RSRC2: variants seen among roughly 807,000 people sequenced by gnomAD.
The protein encoded by RSRC2 is arginine and serine rich coiled-coil 2.
In RSRC2, 5 loss-of-function variants were observed where a neutral mutation model predicts 61.3. The ratio of observed to expected loss-of-function variants is 0.08; its 90% CI spans 0.04 to 0.17. The LOEUF is 0.17. Among genes scored for constraint, RSRC2 ranks in the 10% least tolerant of loss-of-function variants. The pLI, the probability that RSRC2 is intolerant of heterozygous loss-of-function variation, is 1.00. For synonymous variants in RSRC2, 202 were observed against 166.5 expected (o/e 1.21, Z -1.64); for missense variants, 381 against 518.8 (o/e 0.73, Z 2.58).
chr12:122,507,550 G>GT (rs1958192964), intron 8 of RSRC2, among the ~76,000 whole-genome samples: 1 of 149,970 alleles, frequency 6.7e-6, no homozygotes, highest in Admixed American at 6.6e-5. Context: ...TCTAAACCAA[G>GT]TAGCCTCTTT....
At chr12:122,520,568 C>T (rs1254937455) in intron 3 of RSRC2, 4 of 1,367,044 alleles carry the variant, frequency 2.9e-6, no homozygotes, top group South Asian at 1.1e-5. Flanking sequence ...TCAGTCTCTT[C>T]GCGCATAAGC....
At chr12:122,525,809 T>TAAC (rs1960167909) in intron 1 of RSRC2, among the ~76,000 whole-genome samples, 1 of 16,182 alleles carries the variant, frequency 6.2e-5, no homozygotes, top group East Asian at 3.5e-3. Context: ...GAGTTTTTTT[T>TAAC]TTTTTTTTTT....
chr12:122,513,507 G>A (rs1416800912), intron 6 of RSRC2, among the ~76,000 whole-genome samples: 3 of 151,768 alleles, frequency 2.0e-5, no homozygotes, highest in Admixed American at 6.6e-5. Context: ...TGCTATTAAC[G>A]GCTTCACTTT....
intron 7 of RSRC2, among the ~76,000 whole-genome samples, chr12:122,508,830 C>A (rs1025435264): frequency 6.6e-6 from 1 of 151,938 alleles, no homozygotes; most frequent in Non-Finnish European, 1.5e-5. Context: ...GTGGTACATG[C>A]CCGTAATCTC....
chr12:122,505,812 T>C, intron 9 of RSRC2, 106 bp from the exon 10 acceptor site: 2 of 962,022 alleles, frequency 2.1e-6, no homozygotes, highest in Non-Finnish European at 3.0e-6. Context: ...GGAGTCTTGC[T>C]CTGTTGTCCC....
In RSRC2 at chr12:122,506,781, T is replaced by C. The variant is rs551897522; in HGVS notation, c.1125+53A>G. The C allele has an allele frequency of 1.0e-4, 108 of 1,070,798 alleles. No homozygotes were observed. The East Asian group carries it at 2.2e-3, about 22-fold the overall frequency. 66.3% of individuals were successfully genotyped at this position (1,070,798 alleles called of 1,614,324 possible). A position where few individuals can be genotyped will look rare whatever the true frequency, so the allele number is the denominator to read the frequency against. ...AACTAAGAAAATGAGGGAAGAACAG[T>C]GCAGGAGGGCTAATAGCTAATACAA... On this transcript the variant is annotated intron_variant, in intron 9 of 9. Coordinates refer to ENST00000331738, the MANE Select transcript of RSRC2 (RefSeq NM_023012.6).
intron 8 of RSRC2, 161 bp from the exon 9 acceptor site, chr12:122,507,084 A>C (rs1958159166): frequency 3.0e-6 from 2 of 657,560 alleles, no homozygotes; most frequent in Non-Finnish European, 5.4e-6. Context: ...AAAGCAAAGA[A>C]ATACAAGCAA....
intron 6 of RSRC2, chr12:122,514,727 G>T: frequency 8.6e-7 from 1 of 1,158,444 alleles, no homozygotes. Context: ...CAGGTATTTT[G>T]TCTATTTGAG....
rs902174654 is a variant in RSRC2, at chr12:122,505,417, A to G, written c.*110T>C. On this transcript the variant is annotated 3_prime_UTR_variant, in exon 10 of 10. Coordinates refer to ENST00000331738, the MANE Select transcript of RSRC2 (RefSeq NM_023012.6). Reference sequence around the variant, plus strand: ...AAAAATTTGTATTTTTCAATAAATTAAAGTCAATGCAACACCCATGCAAGC... The same window carrying G: ...AAAAATTTGTATTTTTCAATAAATTGAAGTCAATGCAACACCCATGCAAGC... 31 of 963,364 alleles carry G rather than the reference A, an allele frequency of 3.2e-5. No homozygotes were observed. The highest frequency in any genetic ancestry group is 4.6e-5 in the Non-Finnish European group (30 of 647,278). The allele number at this position is 963,364 out of a possible 1,614,324, so 59.7% of individuals were successfully genotyped here.
intron 6 of RSRC2, among the ~76,000 whole-genome samples, chr12:122,514,196 G>A (rs973682470): frequency 7.3e-5 from 11 of 151,080 alleles, no homozygotes; most frequent in African/African-American, 2.7e-4. Flanking sequence ...ATATATAGTC[G>A]TGCTGTGTGT....
chr12:122,507,524 A>G (rs1958190887), intron 8 of RSRC2, among the ~76,000 whole-genome samples: 1 of 151,638 alleles, frequency 6.6e-6, no homozygotes, highest in African/African-American at 2.4e-5. Context: ...AAAGTACCTC[A>G]TAATCTATGA....
At chr12:122,515,997 CA>C (rs1593394275) in intron 5 of RSRC2, among the ~76,000 whole-genome samples, 1 of 151,690 alleles carries the variant, frequency 6.6e-6, no homozygotes, top group Non-Finnish European at 1.5e-5. Flanking sequence ...TCAAAACAAA[CA>C]AAAAAACTAG....
intron 5 of RSRC2, 78 bp downstream of exon 5, chr12:122,517,143 CAATTTT>C: frequency 1.3e-6 from 2 of 1,580,228 alleles, no homozygotes; most frequent in Non-Finnish European, 1.7e-6. Context: ...TTGTGACTCA[CAATTTT>C]AATACTCTCT....
chr12:122,524,843 T>C (rs1225037721), intron 1 of RSRC2, among the ~76,000 whole-genome samples: 1 of 152,244 alleles, frequency 6.6e-6, no homozygotes, highest in African/African-American at 2.4e-5. Context: ...TGTGTACACA[T>C]AAACGTTAAC....
Position 122,516,862 on chromosome 12 carries a change from T to G in RSRC2, c.602+365A>C, listed in dbSNP as rs1958969235. On this transcript the variant is annotated intron_variant, in intron 5 of 9. Transcript: ENST00000331738. ...TGTGGGTCATCACCCCAGGCTAATT[T>G]TCATATCTTTTGTAGACATGGGGTT... Among the ~76,000 whole-genome samples the G allele has an allele frequency of 1.3e-5, 2 of 152,038 alleles. 1 individual carries two copies. Among genetic ancestry groups the G allele is most frequent in the South Asian group, 4.1e-4 (2 of 4,828 alleles).
At chr12:122,518,701 A>C (rs1444112589) in intron 4 of RSRC2, 138 bp downstream of exon 4, 7 of 753,332 alleles carry the variant, frequency 9.3e-6, no homozygotes, top group Non-Finnish European at 1.1e-5. Context: ...CCAAAGGCAA[A>C]AAACAAACAA....
intron 6 of RSRC2, among the ~76,000 whole-genome samples, chr12:122,512,398 T>A (rs956990736): frequency 1.3e-5 from 2 of 152,124 alleles, no homozygotes; most frequent in African/African-American, 2.4e-5. Context: ...CTATGGGTAA[T>A]ACAATGCAGG....
intron 2 of RSRC2, among the ~76,000 whole-genome samples, chr12:122,521,689 G>T (rs1959222279): frequency 6.6e-6 from 1 of 152,148 alleles, no homozygotes; most frequent in African/African-American, 2.4e-5. Flanking sequence ...CATATATTCT[G>T]ACCAGCCCAT....
intron 1 of RSRC2, among the ~76,000 whole-genome samples, chr12:122,525,744 G>A (rs1033621296): frequency 1.3e-5 from 2 of 151,462 alleles, no homozygotes; most frequent in Admixed American, 1.3e-4. Flanking sequence ...ACACACGCAG[G>A]CTTATTGTTC....
Sources: allele counts gnomAD v4.1 joint callset (sites outside exome capture counted in the v4.1 genomes callset), GRCh38; gene constraint gnomAD v4.1.1; transcripts MANE v1.5; gene names NCBI Gene and HGNC (gene_info 2026-07-23, HGNC 2026-07-21).